Variants in LRP12 observed in about 807,000 individuals in gnomAD.
LRP12 encodes the protein low-density lipoprotein receptor-related protein 12.
LRP12 carries 14 observed loss-of-function variants against 66.0 expected under a neutral mutation model. The observed-to-expected ratio is 0.21, with a 90% CI of 0.14 to 0.33. The LOEUF is 0.33. Among genes scored for constraint, LRP12 ranks in the 10% least tolerant of loss-of-function variants. The pLI is 1.00. For synonymous variants in LRP12, 357 were observed against 359.1 expected (o/e 0.99, Z 0.07); for missense variants, 889 against 1,053.4 (o/e 0.84, Z 2.16).
intron 1 of LRP12, among the ~76,000 whole-genome samples, chr8:104,563,073 C>T (rs930655262): frequency 6.6e-6 from 1 of 152,098 alleles, no homozygotes; most frequent in African/African-American, 2.4e-5. Flanking sequence ...GTTAAGAGCA[C>T]AGATTTTAGG....
At chr8:104,556,565 T>C (rs1338295390) in intron 1 of LRP12, among the ~76,000 whole-genome samples, 1 of 150,402 alleles carries the variant, frequency 6.6e-6, no homozygotes, top group Non-Finnish European at 1.5e-5. Flanking sequence ...TCCTGAAAAA[T>C]AGGAGGAAAC....
At chr8:104,558,664 C>A (rs753564695) in intron 1 of LRP12, among the ~76,000 whole-genome samples, 1 of 151,842 alleles carries the variant, frequency 6.6e-6, no homozygotes, top group African/African-American at 2.4e-5. Flanking sequence ...GCAGAGTAAA[C>A]AGACAACCCA....
chr8:104,528,175 A>G (rs1258242795), intron 2 of LRP12, among the ~76,000 whole-genome samples: 4 of 152,222 alleles, frequency 2.6e-5, no homozygotes, highest in Non-Finnish European at 5.9e-5. Flanking sequence ...AATCATCAAT[A>G]TACTTTCCAA....
In LRP12 at chr8:104,498,291, C is replaced by T. The variant is rs751447775; in HGVS notation, c.476-215G>A. Among the ~76,000 whole-genome samples, 5 of 152,082 alleles carry T rather than the reference C, an allele frequency of 3.3e-5. No individual in the cohort carries two copies. In the East Asian group the frequency reaches 9.6e-4, roughly 29 times the overall value. The stretch of plus-strand genomic sequence containing the variant: ...GTTTGTTACATGAGTAAACATGTGC[C>T]ATGGTGGTTTGCTGCACCCATCAAT... On this transcript the variant is annotated intron_variant, in intron 4 of 6. Transcript: ENST00000276654.
chr8:104,549,631 T>C (rs1811697496), intron 1 of LRP12, among the ~76,000 whole-genome samples: 2 of 152,122 alleles, frequency 1.3e-5, no homozygotes, highest in Non-Finnish European at 1.5e-5. Context: ...CTCGATCTCC[T>C]GACCTCATGA....
intron 2 of LRP12, among the ~76,000 whole-genome samples, chr8:104,523,988 GTAATAC>G (rs1811189823): frequency 6.6e-6 from 1 of 152,110 alleles, no homozygotes; most frequent in Non-Finnish European, 1.5e-5. Flanking sequence ...GCTCACACCT[GTAATAC>G]CAGCACTTTG....
intron 1 of LRP12, among the ~76,000 whole-genome samples, chr8:104,535,704 C>T (rs780362794): frequency 3.3e-5 from 5 of 151,950 alleles, no homozygotes; most frequent in Non-Finnish European, 7.4e-5. Flanking sequence ...TTCCAAAGAG[C>T]TAGTAACTGC....
intron 4 of LRP12, among the ~76,000 whole-genome samples, chr8:104,498,324 C>G (rs1395397855): frequency 2.0e-5 from 3 of 152,148 alleles, no homozygotes; most frequent in African/African-American, 7.2e-5. Context: ...AATCCATCAC[C>G]TAGGTATTAA....
rs2140824823 is a variant in LRP12, at chr8:104,490,888, T to C, written c.2365A>G (p.Asn789Asp). ...ISDGSSDFDV[N>D]DCSRPLLDLA... ...TCAAGAAGAGGTCTGGAGCAGTCAT[T>C]CACATCAAAGTCTGAAGATCCATCA... The change falls in exon 7 of 7, where the codon AAT (asparagine) becomes GAT (aspartate). Residue 789 changes from asparagine to aspartate, a missense_variant. Transcript: ENST00000276654. 6.2e-7 allele frequency: 1 copy of C among 1,614,152 alleles called. No individual in the cohort carries two copies. The highest frequency in any genetic ancestry group is 2.2e-5 in the East Asian group (1 of 44,880).
At chr8:104,492,417 G>T (rs1049841313) in intron 6 of LRP12, among the ~76,000 whole-genome samples, 6 of 152,050 alleles carry the variant, frequency 3.9e-5, no homozygotes, top group Admixed American at 2.0e-4. Context: ...CCATCTAGTG[G>T]TTATAAAAAG....
At chr8:104,537,173 A>G (rs1484664374) in intron 1 of LRP12, among the ~76,000 whole-genome samples, 2 of 151,952 alleles carry the variant, frequency 1.3e-5, no homozygotes, top group Non-Finnish European at 2.9e-5. Flanking sequence ...TTCTGCCTGG[A>G]GACTTCCTGG....
chr8:104,549,917 G>A (rs1036385029), intron 1 of LRP12, among the ~76,000 whole-genome samples: 28 of 151,968 alleles, frequency 1.8e-4, no homozygotes, highest in African/African-American at 5.6e-4. Context: ...TTAGTAAATC[G>A]CCTCTCTTTC....
chr8:104,549,247 T>C (rs1811689037), intron 1 of LRP12, among the ~76,000 whole-genome samples: 1 of 152,116 alleles, frequency 6.6e-6, no homozygotes. Context: ...GAAGAATCTA[T>C]ACTGATTAAT....
intron 1 of LRP12, among the ~76,000 whole-genome samples, chr8:104,551,588 C>T (rs1811726247): frequency 6.6e-6 from 1 of 152,162 alleles, no homozygotes; most frequent in Non-Finnish European, 1.5e-5. Flanking sequence ...TTAGCTCCCA[C>T]TTAAACGTGA....
intron 1 of LRP12, among the ~76,000 whole-genome samples, chr8:104,557,729 C>T (rs914073710): frequency 2.6e-5 from 4 of 152,098 alleles, no homozygotes; most frequent in Non-Finnish European, 5.9e-5. Context: ...CAATTCCCAT[C>T]AAAATACCAC....
chr8:104,576,383 C>G (rs1018340099), intron 1 of LRP12, among the ~76,000 whole-genome samples: 1 of 151,858 alleles, frequency 6.6e-6, no homozygotes, highest in African/African-American at 2.4e-5. Context: ...AGCAGGTCAC[C>G]TACAAAGGGA....
chr8:104,548,523 C>G (rs1233413785), intron 1 of LRP12, among the ~76,000 whole-genome samples: 1 of 92,634 alleles, frequency 1.1e-5, no homozygotes, highest in Non-Finnish European at 2.0e-5. Flanking sequence ...TATTTTGTAT[C>G]TAATATATAA....
At chr8:104,542,991 A>G (rs1811500597) in intron 1 of LRP12, among the ~76,000 whole-genome samples, 1 of 148,866 alleles carries the variant, frequency 6.7e-6, no homozygotes, top group Non-Finnish European at 1.5e-5. Context: ...TAGAACACAC[A>G]CAAATATATA....
At chr8:104,491,658 C>A in intron 6 of LRP12, 119 bp from the exon 7 acceptor site, 1 of 811,770 alleles carries the variant, frequency 1.2e-6, no homozygotes, top group Non-Finnish European at 1.8e-6. Flanking sequence ...CTCATTGTTG[C>A]TTTTGGGTCT....
Sources: gnomAD v4.1 joint callset for allele counts (sites outside exome capture counted in the v4.1 genomes callset) on GRCh38, gnomAD v4.1.1 for gene constraint, MANE v1.5 for transcripts, NCBI Gene and HGNC (gene_info 2026-07-23, HGNC 2026-07-21) for gene names.